DGCR2: variants seen among roughly 807,000 people sequenced by gnomAD.
The protein encoded by DGCR2 is integral membrane protein DGCR2/IDD.
DGCR2 carries 24 observed loss-of-function variants against 51.6 expected under a neutral mutation model. The ratio of observed to expected loss-of-function variants is 0.47; its 90% CI spans 0.34 to 0.65. The LOEUF (loss-of-function observed/expected upper bound fraction) is 0.65, where lower values mean the gene tolerates loss of function less well. Among genes scored for constraint, DGCR2 ranks in the 30% least tolerant of loss-of-function variants. DGCR2 has a pLI of 0.01. For synonymous variants in DGCR2, 340 were observed against 315.4 expected (o/e 1.08, Z -0.82); for missense variants, 765 against 772.1 (o/e 0.99, Z 0.11).
At chr22:19,064,500 G>A (rs1025290536) in intron 4 of DGCR2, among the ~76,000 whole-genome samples, 2 of 152,104 alleles carry the variant, frequency 1.3e-5, no homozygotes, top group African/African-American at 4.8e-5. Flanking sequence ...CAAGGCCCAC[G>A]AAGCCCCACA....
chr22:19,116,055 A>C (rs1442506142), intron 1 of DGCR2, among the ~76,000 whole-genome samples: 1 of 152,248 alleles, frequency 6.6e-6, no homozygotes, highest in African/African-American at 2.4e-5. Context: ...TACGATGTCC[A>C]TGTTCCAAAT....
At chr22:19,116,314 A>G (rs2083372707) in intron 1 of DGCR2, among the ~76,000 whole-genome samples, 1 of 152,224 alleles carries the variant, frequency 6.6e-6, no homozygotes, top group Admixed American at 6.5e-5. Context: ...CCTCCAACCT[A>G]GACTTGCCCT....
At chr22:19,064,405 G>C (rs1304326833) in intron 4 of DGCR2, among the ~76,000 whole-genome samples, 2 of 152,224 alleles carry the variant, frequency 1.3e-5, no homozygotes, top group Non-Finnish European at 2.9e-5. Flanking sequence ...CATAACTGTG[G>C]AGTCAAAACC....
chr22:19,074,695 A>G (rs971360875), intron 2 of DGCR2, among the ~76,000 whole-genome samples: 1 of 152,260 alleles, frequency 6.6e-6, no homozygotes, highest in Non-Finnish European at 1.5e-5. Context: ...GACTTACAGA[A>G]TCATTTGAAT....
chr22:19,063,091 G>T lies in DGCR2; in HGVS notation c.625+111C>A. Reference sequence around the variant, plus strand: ...TGCAACTGGGGCTCACCCACTCCCTGCACAGCACCCCTACGGGCCAGGCAG... The same window carrying T: ...TGCAACTGGGGCTCACCCACTCCCTTCACAGCACCCCTACGGGCCAGGCAG... On this transcript the variant is annotated intron_variant, in intron 5 of 9. Coordinates refer to ENST00000263196, the MANE Select transcript of DGCR2 (RefSeq NM_005137.3). The T allele has an allele frequency of 7.7e-6, 8 of 1,039,412 alleles. No homozygotes were observed. In the South Asian group the frequency reaches 8.6e-5, roughly 11 times the overall value. 64.4% of individuals were successfully genotyped at this position (1,039,412 alleles called of 1,614,324 possible). A position where few individuals can be genotyped will look rare whatever the true frequency, so the allele number is the denominator to read the frequency against.
Position 19,122,245 on chromosome 22 carries a change from C to T in DGCR2, c.-39G>A, listed in dbSNP as rs1206866567. Reference sequence around the variant, plus strand: ...ATCGTCCCCGGGGCGGCTGGAAGGCCGGACCAGGCCGGACTGAGGGTCAGG... The same window carrying T: ...ATCGTCCCCGGGGCGGCTGGAAGGCTGGACCAGGCCGGACTGAGGGTCAGG... On this transcript the variant is annotated 5_prime_UTR_variant, in exon 1 of 10. Coordinates refer to ENST00000263196, the MANE Select transcript of DGCR2 (RefSeq NM_005137.3). 2.8e-6 allele frequency: 4 copies of T among 1,444,042 alleles called. No homozygotes were observed. The highest frequency in any genetic ancestry group is 2.8e-6 in the Non-Finnish European group (3 of 1,081,560). 89.5% of individuals were successfully genotyped at this position (1,444,042 alleles called of 1,614,324 possible). A position where few individuals can be genotyped will look rare whatever the true frequency, so the allele number is the denominator to read the frequency against.
At chr22:19,110,367 G>A (rs2083301532) in intron 1 of DGCR2, among the ~76,000 whole-genome samples, 1 of 152,184 alleles carries the variant, frequency 6.6e-6, no homozygotes, top group Non-Finnish European at 1.5e-5. Context: ...TGTGGACACA[G>A]CAGGGGTGGG....
At chr22:19,077,321 T>C (rs1485463427) in intron 2 of DGCR2, among the ~76,000 whole-genome samples, 2 of 152,234 alleles carry the variant, frequency 1.3e-5, no homozygotes, top group Non-Finnish European at 2.9e-5. Flanking sequence ...TAGTTTAAGG[T>C]CTTAAATTTA....
intron 1 of DGCR2, among the ~76,000 whole-genome samples, chr22:19,119,734 T>C (rs1242224949): frequency 8.5e-5 from 4 of 47,296 alleles, no homozygotes; most frequent in East Asian, 6.8e-4. Flanking sequence ...GGACTCTGTC[T>C]CAAAAAAAAA....
chr22:19,060,672 C>T (rs1466584565), intron 5 of DGCR2: 5 of 279,378 alleles, frequency 1.8e-5, no homozygotes, highest in Non-Finnish European at 2.2e-5. Flanking sequence ...TTCAACCTTT[C>T]TGCACAAATG....
intron 5 of DGCR2, chr22:19,060,909 T>C: frequency 1.9e-6 from 1 of 513,154 alleles, no homozygotes; most frequent in South Asian, 1.4e-5. Context: ...TACCGACACA[T>C]GGGCATAGTA....
chr22:19,075,458 AAG>A (rs1555906608), intron 2 of DGCR2, among the ~76,000 whole-genome samples: 1 of 152,028 alleles, frequency 6.6e-6, no homozygotes, highest in Non-Finnish European at 1.5e-5. Context: ...AAAAAAAAAA[AAG>A]AGTGTACAGT....
At chr22:19,043,065 G>T (rs118036702) in intron 7 of DGCR2, among the ~76,000 whole-genome samples, 1,992 of 152,288 alleles carry the variant, frequency 0.013, 35 homozygotes, top group South Asian at 0.057. Context: ...GGGTGGACCC[G>T]ACTCCACCTC....
At chr22:19,108,109 T>C (rs1244708247) in intron 1 of DGCR2, among the ~76,000 whole-genome samples, 5 of 152,174 alleles carry the variant, frequency 3.3e-5, no homozygotes, top group African/African-American at 4.8e-5. Context: ...CCATAAGGTG[T>C]CTGCCCCCAC....
In DGCR2 at chr22:19,037,052, G is replaced by A. The variant is rs2082377096; in HGVS notation, c.*1813C>T. ...GGCACCCATAATGCACATGCCTGCT[G>A]CTCTGGAACCTGGCTGCCCTGCCCC... is the stretch of plus-strand genomic sequence containing the variant. On this transcript the variant is annotated 3_prime_UTR_variant, in exon 10 of 10. Coordinates refer to ENST00000263196, the MANE Select transcript of DGCR2 (RefSeq NM_005137.3). 1 of 152,432 alleles carries A rather than the reference G, an allele frequency of 6.6e-6. No homozygotes were observed. Among genetic ancestry groups the A allele is most frequent in the Admixed American group, 6.5e-5 (1 of 15,288 alleles). The allele number at this position is 152,432 out of a possible 1,614,324, so 9.4% of individuals were successfully genotyped here.
At chr22:19,119,435 T>A (rs769128761) in intron 1 of DGCR2, among the ~76,000 whole-genome samples, 1 of 151,978 alleles carries the variant, frequency 6.6e-6, no homozygotes, top group African/African-American at 2.4e-5. Flanking sequence ...CAAGTTCAAA[T>A]GTGCACTTAA....
In DGCR2 at chr22:19,068,127, T is replaced by C. The variant is rs2082770969; in HGVS notation, c.301A>G (p.Asn101Asp). Residue 101 changes from asparagine to aspartate, a missense_variant, in exon 3 of 10, where the codon AAC becomes GAC. Physicochemically the swap from Asn to Asp is conservative, Grantham distance 23. Coordinates refer to ENST00000263196, the MANE Select transcript of DGCR2 (RefSeq NM_005137.3). ...CTGAAGCGAACGGGCTGCGCCACGT[T>C]CACCGCGTGGAAGTGCGAAGGGTCG... ...GGDPSHFHAV[N>D]VAQPVRFSSF... is the part of the protein sequence containing the mutation. 2 of 1,604,372 alleles carry C rather than the reference T, an allele frequency of 1.2e-6. No homozygotes were observed. Among genetic ancestry groups the C allele is most frequent in the Non-Finnish European group, 1.7e-6 (2 of 1,176,584 alleles).
chr22:19,042,334 G>C (rs2082441758), intron 7 of DGCR2, among the ~76,000 whole-genome samples: 1 of 152,220 alleles, frequency 6.6e-6, no homozygotes, highest in African/African-American at 2.4e-5. Context: ...CTCCTGCAGA[G>C]GTGCACATCC....
At chr22:19,119,249 G>T (rs973058067) in intron 1 of DGCR2, among the ~76,000 whole-genome samples, 2 of 152,140 alleles carry the variant, frequency 1.3e-5, no homozygotes, top group Admixed American at 1.3e-4. Context: ...GTGCATGATG[G>T]GGGGAAGGCC....
Sources: gnomAD v4.1 joint callset for allele counts (sites outside exome capture counted in the v4.1 genomes callset) on GRCh38, gnomAD v4.1.1 for gene constraint, MANE v1.5 for transcripts, NCBI Gene and HGNC (gene_info 2026-07-23, HGNC 2026-07-21) for gene names.